Variants in GRIP1 observed in about 807,000 individuals in gnomAD.
GRIP1 encodes glutamate receptor interacting protein 1, also known as glutamate receptor-interacting protein 1.
A neutral mutation model predicts 129.9 loss-of-function variants in GRIP1; 45 were observed. That is an observed-to-expected ratio of 0.35 (90% CI 0.27 to 0.44). GRIP1 has a LOEUF of 0.44. Among genes scored for constraint, GRIP1 ranks in the 20% least tolerant of loss-of-function variants. The probability of loss-of-function intolerance (pLI) is 1.00; values close to 1 mark genes in which losing one functional copy is unlikely to be tolerated. For missense variants in GRIP1, 1,196 were observed against 1,396.8 expected, an observed-to-expected ratio of 0.86 and a Z score of 2.29; for synonymous variants, 530 against 520.8, an observed-to-expected ratio of 1.02 and a Z score of -0.24.
At position 66,445,383 on chromosome 12, in the gene GRIP1, T is replaced by C. The variant is rs1460786274; in HGVS notation, c.1480A>G (p.Thr494Ala). 23 of 1,614,096 alleles carry C rather than the reference T, an allele frequency of 1.4e-5. No homozygotes were observed. Among genetic ancestry groups the C allele is most frequent in the Non-Finnish European group, 1.9e-5 (23 of 1,180,024 alleles). Residue 494 changes from threonine (T) to alanine (A), a missense_variant, in exon 12 of 25, where the codon ACA becomes GCA. Coordinates refer to ENST00000359742, the MANE Select transcript of GRIP1 (RefSeq NM_001366722.1). Reference protein sequence around the residue: ...GIQLQGSVFATETLSSPPLIS... With the variant: ...GIQLQGSVFAAETLSSPPLIS... ...AGAGGTGGAGAAGAGAGAGTTTCTGTGGCAAACACACTGCCCTGCAGTTGG... is the reference window on the plus strand; with the variant it reads ...AGAGGTGGAGAAGAGAGAGTTTCTGCGGCAAACACACTGCCCTGCAGTTGG...
At chr12:67,016,594 C>A (rs768833763) in intron 1 of GRIP1, among the ~76,000 whole-genome samples, 2 of 152,020 alleles carry the variant, frequency 1.3e-5, no homozygotes, top group African/African-American at 2.4e-5. Flanking sequence ...GACCTGCTGT[C>A]CCCCCACTTT....
intron 1 of GRIP1, among the ~76,000 whole-genome samples, chr12:66,814,319 C>A (rs1049319958): frequency 1.3e-5 from 2 of 151,938 alleles, no homozygotes; most frequent in Non-Finnish European, 2.9e-5. Flanking sequence ...GAGATTGGTA[C>A]ATAGCAAGAA....
intron 1 of GRIP1, among the ~76,000 whole-genome samples, chr12:66,954,284 T>C (rs1396120381): frequency 6.6e-6 from 1 of 152,206 alleles, no homozygotes; most frequent in Non-Finnish European, 1.5e-5. Flanking sequence ...CAATAAAAAA[T>C]TGCTGCAGAG....
intron 7 of GRIP1, among the ~76,000 whole-genome samples, chr12:66,491,377 C>T (rs1027256457): frequency 1.3e-5 from 2 of 152,206 alleles, no homozygotes; most frequent in Non-Finnish European, 2.9e-5. Context: ...ATACCAAATA[C>T]TGCATGTCCT....
chr12:67,051,051 C>T (rs1331076598), intron 1 of GRIP1, among the ~76,000 whole-genome samples: 3 of 152,108 alleles, frequency 2.0e-5, no homozygotes, highest in Non-Finnish European at 4.4e-5. Flanking sequence ...GGAGGAGAGA[C>T]AGACCAGCAG....
intron 1 of GRIP1, among the ~76,000 whole-genome samples, chr12:66,835,136 GAAC>G (rs1186789671): frequency 2.0e-5 from 3 of 151,944 alleles, no homozygotes; most frequent in East Asian, 1.9e-4. Flanking sequence ...AGCAGAAAAC[GAAC>G]AACCAACCAA....
At chr12:67,010,736 G>C (rs886771990) in intron 1 of GRIP1, among the ~76,000 whole-genome samples, 2 of 152,026 alleles carry the variant, frequency 1.3e-5, no homozygotes, top group African/African-American at 4.8e-5. Context: ...TGCAGAAAGC[G>C]GGGACACCGA....
intron 19 of GRIP1, among the ~76,000 whole-genome samples, chr12:66,381,346 C>T (rs1311673988): frequency 3.3e-5 from 5 of 152,212 alleles, no homozygotes; most frequent in Non-Finnish European, 5.9e-5. Flanking sequence ...TAAGGAAACA[C>T]AGATGTGTCT....
chr12:66,975,114 C>T (rs1370113255), intron 1 of GRIP1, among the ~76,000 whole-genome samples: 1 of 152,124 alleles, frequency 6.6e-6, no homozygotes, highest in African/African-American at 2.4e-5. Flanking sequence ...GTATTGATAG[C>T]TGTTCCAGAC....
intron 1 of GRIP1, among the ~76,000 whole-genome samples, chr12:66,828,886 T>G (rs2039465676): frequency 1.3e-5 from 2 of 152,178 alleles, no homozygotes. Context: ...TAATGCCTCA[T>G]AAGTGCTGTT....
chr12:66,468,679 G>GTTGTT (rs369526424), intron 7 of GRIP1, among the ~76,000 whole-genome samples: 2,024 of 149,244 alleles, frequency 0.014, 55 homozygotes, highest in African/African-American at 0.047. Context: ...CCTTAAGTTA[G>GTTGTT]TTTTTTTTTT....
intron 7 of GRIP1, among the ~76,000 whole-genome samples, chr12:66,507,874 A>G (rs1387815227): frequency 1.3e-5 from 2 of 151,994 alleles, no homozygotes; most frequent in Non-Finnish European, 2.9e-5. Flanking sequence ...GACCTGAAAC[A>G]ATCCTCCAGC....
chr12:66,553,390 T>C (rs2062207282), intron 2 of GRIP1, among the ~76,000 whole-genome samples: 1 of 152,024 alleles, frequency 6.6e-6, no homozygotes. Context: ...TATCTATTGA[T>C]AATTTCCTAA....
chr12:66,515,565 A>G (rs1326583173), intron 7 of GRIP1, 54 bp downstream of exon 7: 47 of 1,503,506 alleles, frequency 3.1e-5, no homozygotes, highest in Non-Finnish European at 4.3e-5. Flanking sequence ...TTTATCAGGG[A>G]CAGACAGTGA....
chr12:66,394,398 CA>C (rs1448252804), intron 16 of GRIP1, 46 bp from the exon 17 acceptor site: 1 of 1,545,764 alleles, frequency 6.5e-7, no homozygotes, highest in South Asian at 1.1e-5. Context: ...TTGGAAAAAG[CA>C]AAAGAGTAAG....
At chr12:66,494,969 T>C (rs918205307) in intron 7 of GRIP1, among the ~76,000 whole-genome samples, 7 of 152,142 alleles carry the variant, frequency 4.6e-5, no homozygotes, top group African/African-American at 1.7e-4. Context: ...AATTATAATG[T>C]ATGTGTCCTA....
chr12:66,659,591 A>T (rs755606045), intron 1 of GRIP1, among the ~76,000 whole-genome samples: 2 of 152,252 alleles, frequency 1.3e-5, no homozygotes, highest in Non-Finnish European at 2.9e-5. Flanking sequence ...AAAAAAGAAC[A>T]CATGTACCAG....
chr12:66,572,990 T>C (rs1317557084), intron 2 of GRIP1, among the ~76,000 whole-genome samples: 1 of 152,190 alleles, frequency 6.6e-6, no homozygotes, highest in African/African-American at 2.4e-5. Flanking sequence ...GGCTTACCTC[T>C]AACCAGTAGA....
At chr12:66,846,671 A>G (rs150631101) in intron 1 of GRIP1, among the ~76,000 whole-genome samples, 4 of 152,314 alleles carry the variant, frequency 2.6e-5, no homozygotes, top group East Asian at 3.9e-4. Context: ...ATCCAATAGT[A>G]TACATTAAAC....
Sources: allele counts gnomAD v4.1 joint callset (sites outside exome capture counted in the v4.1 genomes callset), GRCh38; gene constraint gnomAD v4.1.1; transcripts MANE v1.5; gene names NCBI Gene and HGNC (gene_info 2026-07-23, HGNC 2026-07-21).